The following NXPE4 variants were observed in gnomAD, a reference collection of about 807,000 sequenced individuals.
The protein encoded by NXPE4 is NXPE family member 4.
A neutral mutation model predicts 33.3 loss-of-function variants in NXPE4; 42 were observed. The observed-to-expected ratio is 1.26, with a 90% CI of 0.98 to 1.63. The LOEUF is 1.63. NXPE4 is among the 40% of genes most tolerant of loss of function. NXPE4 has a pLI of 0.00. For missense variants in NXPE4, 709 were observed against 647.6 expected (o/e 1.09, Z -1.03); for synonymous variants, 253 against 234.9 (o/e 1.08, Z -0.71).
chr11:114,615,845 G>A, the NXPE4 span, among the ~76,000 whole-genome samples: 7 of 151,538 alleles, frequency 4.6e-5, 1 homozygote, highest in African/African-American at 1.7e-4. Context: ...TGGATAATAA[G>A]AGATGCCTCG....
At chr11:114,580,919 TTGAGGTAGCCACAATGG>T (rs1368580682) in intron 4 of NXPE4, among the ~76,000 whole-genome samples, 2 of 151,954 alleles carry the variant, frequency 1.3e-5, no homozygotes, top group African/African-American at 4.8e-5. Context: ...AATCCACAGG[TTGAGGTAGCCACAATGG>T]TGAGGAGCCC....
chr11:114,571,174 C>T lies in NXPE4; in HGVS notation c.1399G>A (p.Asp467Asn). Reference protein sequence around the residue: ...AIQHLLLRSPDTMVIIKTENI... With the variant: ...AIQHLLLRSPNTMVIIKTENI... ...TCTGTTTTGATGATAACCATAGTGTCTGGGCTTCTCAGAAGAAGATGCTGA... is the reference window on the plus strand; with the variant it reads ...TCTGTTTTGATGATAACCATAGTGTTTGGGCTTCTCAGAAGAAGATGCTGA... Residue 467 changes from aspartate to asparagine, a missense_variant, in exon 6 of 6, where the codon GAC (aspartate) becomes AAC (asparagine). Physicochemically the swap from Asp to Asn is conservative, Grantham distance 23 (BLOSUM62 1). Coordinates refer to ENST00000375478, the MANE Select transcript of NXPE4 (RefSeq NM_001077639.2). 1 of 1,613,954 alleles carries T rather than the reference C, an allele frequency of 6.2e-7. No individual in the cohort carries two copies. The highest frequency in any genetic ancestry group is 8.5e-7 in the Non-Finnish European group (1 of 1,179,922).
chr11:114,600,306 A>G (rs1447138122), upstream of NXPE4, among the ~76,000 whole-genome samples: 3 of 152,256 alleles, frequency 2.0e-5, no homozygotes, highest in African/African-American at 7.2e-5. Flanking sequence ...CTATAATTCA[A>G]AAACTCATTT....
At chr11:114,619,541 G>A in the NXPE4 span, among the ~76,000 whole-genome samples, 2 of 151,336 alleles carry the variant, frequency 1.3e-5, no homozygotes, top group Non-Finnish European at 2.9e-5. Flanking sequence ...GATAAGTGTT[G>A]CCTTGTGGGT....
At chr11:114,626,370 T>A in the NXPE4 span, among the ~76,000 whole-genome samples, 1 of 152,190 alleles carries the variant, frequency 6.6e-6, no homozygotes, top group African/African-American at 2.4e-5. Context: ...CCCTGACCCC[T>A]GACCCCCGAG....
the NXPE4 span, among the ~76,000 whole-genome samples, chr11:114,656,535 G>T: frequency 6.6e-6 from 1 of 152,082 alleles, no homozygotes; most frequent in East Asian, 1.9e-4. Context: ...TCTAAAATGG[G>T]TATCAAATAT....
At chr11:114,645,872 G>T in the NXPE4 span, among the ~76,000 whole-genome samples, 1 of 152,104 alleles carries the variant, frequency 6.6e-6, no homozygotes, top group African/African-American at 2.4e-5. Context: ...ATAATTTGTT[G>T]ATAAGTATTT....
the NXPE4 span, among the ~76,000 whole-genome samples, chr11:114,670,713 A>G: frequency 5.9e-5 from 9 of 151,964 alleles, no homozygotes; most frequent in Non-Finnish European, 1.2e-4. Flanking sequence ...AAATAAAAGT[A>G]AAACAAGCAA....
At chr11:114,650,616 C>T in the NXPE4 span, among the ~76,000 whole-genome samples, 6 of 152,138 alleles carry the variant, frequency 3.9e-5, no homozygotes, top group Non-Finnish European at 8.8e-5. Context: ...AGAATAAGAC[C>T]TCTATCCCTA....
At chr11:114,640,988 A>G in the NXPE4 span, among the ~76,000 whole-genome samples, 4 of 152,074 alleles carry the variant, frequency 2.6e-5, no homozygotes, top group African/African-American at 7.2e-5. Context: ...ATTAAGTGTA[A>G]TCAACATCAT....
At chr11:114,591,313 AT>A (rs903685321) in intron 2 of NXPE4, among the ~76,000 whole-genome samples, 1 of 152,196 alleles carries the variant, frequency 6.6e-6, no homozygotes, top group Non-Finnish European at 1.5e-5. Flanking sequence ...TCATGCTACC[AT>A]TTGGAAGGAA....
the NXPE4 span, among the ~76,000 whole-genome samples, chr11:114,602,671 G>T: frequency 7.1e-6 from 1 of 140,478 alleles, no homozygotes; most frequent in African/African-American, 2.6e-5. Context: ...AATAATTACA[G>T]AATCATATGT....
chr11:114,615,064 G>T, the NXPE4 span, among the ~76,000 whole-genome samples: 1 of 151,892 alleles, frequency 6.6e-6, no homozygotes, highest in Non-Finnish European at 1.5e-5. Flanking sequence ...TGCCTCGTGG[G>T]TAACAATTCT....
At chr11:114,588,870 A>G (rs1040751316) in intron 2 of NXPE4, among the ~76,000 whole-genome samples, 1 of 152,180 alleles carries the variant, frequency 6.6e-6, no homozygotes, top group East Asian at 1.9e-4. Context: ...AGTTTATTAC[A>G]CAGGCAGCTC....
In NXPE4 at chr11:114,570,629, C is replaced by CA. The variant is rs1555052628; in HGVS notation, c.*308_*309insT. 1 of 199,176 alleles carries CA rather than the reference C, an allele frequency of 5.0e-6. No individual in the cohort carries two copies. Among genetic ancestry groups the CA allele is most frequent in the Non-Finnish European group, 1.0e-5 (1 of 99,714 alleles). The allele number at this position is 199,176 out of a possible 1,614,324, so 12.3% of individuals were successfully genotyped here. A position where few individuals can be genotyped will look rare whatever the true frequency, so the allele number is the denominator to read the frequency against. On this transcript the variant is annotated 3_prime_UTR_variant, in exon 6 of 6. Coordinates refer to ENST00000375478, the MANE Select transcript of NXPE4 (RefSeq NM_001077639.2). The stretch of plus-strand genomic sequence containing the variant: ...TTTTTATTTTAAAATTACTTTATCA[C>CA]TCTGAGTTTTCATGCATCAGAGAGA...
the NXPE4 span, among the ~76,000 whole-genome samples, chr11:114,642,483 C>T: frequency 6.6e-6 from 1 of 151,844 alleles, no homozygotes; most frequent in Non-Finnish European, 1.5e-5. Flanking sequence ...TCCATGTGTT[C>T]TCATTGTTCC....
intron 2 of NXPE4, chr11:114,584,005 G>A (rs1949222383): frequency 2.8e-6 from 1 of 359,300 alleles, no homozygotes; most frequent in Non-Finnish European, 5.5e-6. Flanking sequence ...TAATAGAGAT[G>A]TTCCTGTCTA....
chr11:114,627,063 G>A, the NXPE4 span, among the ~76,000 whole-genome samples: 51 of 152,054 alleles, frequency 3.4e-4, no homozygotes, highest in African/African-American at 1.1e-3. Context: ...TGAAAGTGAC[G>A]GGGTGAATGG....
At chr11:114,617,935 A>G in the NXPE4 span, among the ~76,000 whole-genome samples, 1 of 151,954 alleles carries the variant, frequency 6.6e-6, no homozygotes, top group Non-Finnish European at 1.5e-5. Context: ...TCTGCTGCAT[A>G]ATAAGTATTG....
Sources: allele counts gnomAD v4.1 joint callset (sites outside exome capture counted in the v4.1 genomes callset), GRCh38; gene constraint gnomAD v4.1.1; transcripts MANE v1.5; gene names NCBI Gene and HGNC (gene_info 2026-07-23, HGNC 2026-07-21).